PPP1R36: variants seen among roughly 807,000 people sequenced by gnomAD.
The protein encoded by PPP1R36 is chromosome 14 open reading frame 50.
A neutral mutation model predicts 53.4 loss-of-function variants in PPP1R36; 47 were observed. That is an observed-to-expected ratio of 0.88 (90% CI 0.70 to 1.12). The LOEUF is 1.12. Ranked by LOEUF, PPP1R36 falls within the 50% of genes most tolerant of loss-of-function variation. The pLI is 0.00. For missense variants in PPP1R36, 456 were observed against 513.9 expected (o/e 0.89, Z 1.09); for synonymous variants, 153 against 170.5 (o/e 0.90, Z 0.80).
intron 8 of PPP1R36, among the ~76,000 whole-genome samples, chr14:64,580,905 T>A (rs1249712596): frequency 6.6e-6 from 1 of 152,190 alleles, no homozygotes; most frequent in Non-Finnish European, 1.5e-5. Flanking sequence ...TTCATATATG[T>A]GTTACCGAAG....
intron 10 of PPP1R36, 76 bp downstream of exon 10, chr14:64,587,448 C>CTTTTTTTTTTTTTTTTT (rs10708900): frequency 6.3e-5 from 7 of 111,014 alleles, no homozygotes; most frequent in South Asian, 3.9e-4. Context: ...CTTTTTTCTC[C>CTTTTTTTTTTTTTTTTT]TTTTTTTTTT....
chr14:64,561,399 T>G (rs1001450070), intron 3 of PPP1R36, among the ~76,000 whole-genome samples: 2 of 152,188 alleles, frequency 1.3e-5, no homozygotes, highest in African/African-American at 4.8e-5. Flanking sequence ...GGGATGACTA[T>G]TAGAATACAA....
At chr14:64,573,083 T>C (rs932520120) in intron 7 of PPP1R36, among the ~76,000 whole-genome samples, 2 of 152,190 alleles carry the variant, frequency 1.3e-5, no homozygotes, top group African/African-American at 4.8e-5. Context: ...TGTCCCTGTT[T>C]AGAGTAAATA....
intron 8 of PPP1R36, among the ~76,000 whole-genome samples, chr14:64,584,207 T>TCTTTTTTTTTTCAGACAGGA (rs2080413992): frequency 6.6e-6 from 1 of 152,136 alleles, no homozygotes. Context: ...CAGCCTTACC[T>TCTTTTTTTTTTCAGACAGGA]TCTCTTCTAA....
chr14:64,550,112 C>G, intron 1 of PPP1R36, 46 bp downstream of exon 1: 5 of 1,539,974 alleles, frequency 3.2e-6, no homozygotes, highest in Non-Finnish European at 4.4e-6. Context: ...GGGCGCAAGG[C>G]GGGCCCTGCT....
At chr14:64,576,751 C>T (rs573431727) in intron 8 of PPP1R36, among the ~76,000 whole-genome samples, 2 of 152,310 alleles carry the variant, frequency 1.3e-5, no homozygotes, top group African/African-American at 4.8e-5. Flanking sequence ...TGGGAATACA[C>T]TCTTAATGTG....
rs143863312 is a variant in PPP1R36, at chr14:64,585,009, G to A, written c.669-1828G>A. On this transcript the variant is annotated intron_variant, in intron 8 of 11. Coordinates refer to ENST00000298705, the MANE Select transcript of PPP1R36 (RefSeq NM_172365.3). ...AATGAAGAGAGTCTGTAGGAGGGGA[G>A]GGGCAGGCCCCAGTAACCACCTCTT... Among the ~76,000 whole-genome samples the A allele has an allele frequency of 1.8e-3, 268 of 152,302 alleles. 1 individual carries two copies. The highest frequency in any genetic ancestry group is 6.1e-3 in the African/African-American group (253 of 41,566).
chr14:64,552,982 T>C (rs1566647115), intron 3 of PPP1R36, 121 bp downstream of exon 3: 1 of 856,356 alleles, frequency 1.2e-6, no homozygotes, highest in Non-Finnish European at 1.8e-6. Context: ...CCAATTTTTT[T>C]TTTTTTGAGA....
intron 7 of PPP1R36, among the ~76,000 whole-genome samples, chr14:64,571,969 G>T (rs560553139): frequency 6.6e-6 from 1 of 152,110 alleles, no homozygotes; most frequent in African/African-American, 2.4e-5. Context: ...ACCTCCCATT[G>T]GGTCCCTCCC....
At chr14:64,560,724 T>A (rs1476777882) in intron 3 of PPP1R36, among the ~76,000 whole-genome samples, 1 of 152,126 alleles carries the variant, frequency 6.6e-6, no homozygotes, top group Non-Finnish European at 1.5e-5. Context: ...TTTACTGAGA[T>A]GGAGGAAACA....
intron 3 of PPP1R36, among the ~76,000 whole-genome samples, chr14:64,553,481 T>TGATG (rs773430833): frequency 6.6e-6 from 1 of 152,176 alleles, no homozygotes; most frequent in African/African-American, 2.4e-5. Flanking sequence ...AATAGCTACG[T>TGATG]GATGGTATGA....
At chr14:64,567,349 C>A (rs2080267319) in intron 6 of PPP1R36, among the ~76,000 whole-genome samples, 1 of 152,292 alleles carries the variant, frequency 6.6e-6, no homozygotes, top group African/African-American at 2.4e-5. Context: ...AATTTCACTT[C>A]TGTCTATAAT....
chr14:64,552,467 C>T (rs112906454), intron 2 of PPP1R36, among the ~76,000 whole-genome samples: 8,498 of 152,058 alleles, frequency 0.056, 326 homozygotes, highest in Non-Finnish European at 0.086. Context: ...CCAGCCTGGG[C>T]GACAGAGAGA....
intron 3 of PPP1R36, among the ~76,000 whole-genome samples, chr14:64,559,062 A>C (rs959312122): frequency 3.5e-4 from 53 of 152,286 alleles, no homozygotes; most frequent in African/African-American, 1.3e-3. Context: ...AGGTAGGAAA[A>C]TCTTGAGTGA....
intron 2 of PPP1R36, among the ~76,000 whole-genome samples, chr14:64,551,359 T>C (rs2080092629): frequency 6.6e-6 from 1 of 152,234 alleles, no homozygotes; most frequent in African/African-American, 2.4e-5. Flanking sequence ...TTTTTAATTA[T>C]AAAATTGCCT....
intron 3 of PPP1R36, among the ~76,000 whole-genome samples, chr14:64,555,401 T>C (rs2080140747): frequency 6.6e-6 from 1 of 151,764 alleles, no homozygotes; most frequent in South Asian, 2.1e-4. Flanking sequence ...ATTGAGATGA[T>C]TCTGATGTTA....
chr14:64,550,970 C>T lies in PPP1R36; in HGVS notation c.119C>T (p.Thr40Ile). 7 of 1,605,472 alleles carry T rather than the reference C, an allele frequency of 4.4e-6. No homozygotes were observed. Among genetic ancestry groups the T allele is most frequent in the Non-Finnish European group, 6.0e-6 (7 of 1,174,414 alleles). ...GMWYWKDETR[T>I]LEFRRFAAED... is the part of the protein sequence containing the mutation. ...TGGTACTGGAAAGATGAAACCAGAA[C>T]TCTTGAATTCAGAAGGTAAAATTTA... Residue 40 changes from threonine (T) to isoleucine (I), a missense_variant, in exon 2 of 12, where the codon ACT becomes ATT. By Grantham distance (89) the Thr-to-Ile change is moderately conservative. Transcript: ENST00000298705.
At chr14:64,569,244 TG>T (rs2080284298) in intron 7 of PPP1R36, among the ~76,000 whole-genome samples, 1 of 152,166 alleles carries the variant, frequency 6.6e-6, no homozygotes, top group East Asian at 1.9e-4. Context: ...TTGCAAGCCA[TG>T]GAACTTTCCA....
Position 64,589,247 on chromosome 14 carries a change from C to G in PPP1R36, c.1178C>G (p.Pro393Arg), listed in dbSNP as rs1449698587. Residue 393 changes from proline (P) to arginine (R), a missense_variant, in exon 12 of 12, where the codon CCT (proline) becomes CGT (arginine). By Grantham distance (103) the Pro-to-Arg change is moderately radical. Coordinates refer to ENST00000298705, the MANE Select transcript of PPP1R36 (RefSeq NM_172365.3). ...EENTKSFGRY[P>R]SLMENNNMRI... ...AACACAAAATCATTTGGGAGATATC[C>G]TTCCTTGATGGAAAACAATAACATG... 1 of 1,613,700 alleles carries G rather than the reference C, an allele frequency of 6.2e-7. No homozygotes were observed. The highest frequency in any genetic ancestry group is 8.5e-7 in the Non-Finnish European group (1 of 1,179,724).
Sources: allele counts gnomAD v4.1 joint callset (sites outside exome capture counted in the v4.1 genomes callset), GRCh38; gene constraint gnomAD v4.1.1; transcripts MANE v1.5; gene names NCBI Gene and HGNC (gene_info 2026-07-23, HGNC 2026-07-21).